CMTM4: variants seen among roughly 807,000 people sequenced by gnomAD.
CMTM4 encodes CKLF-like MARVEL transmembrane domain-containing protein 4.
In CMTM4, 8 loss-of-function variants were observed where a neutral mutation model predicts 19.0. That is an observed-to-expected ratio of 0.42 (90% CI 0.25 to 0.76). The LOEUF (loss-of-function observed/expected upper bound fraction) is 0.76, where lower values mean the gene tolerates loss of function less well. Among genes scored for constraint, CMTM4 ranks in the 30% least tolerant of loss-of-function variants. CMTM4 has a pLI of 0.27. For synonymous variants in CMTM4, 106 were observed against 121.1 expected, an observed-to-expected ratio of 0.88 and a Z score of 0.82; for missense variants, 228 against 290.2, an observed-to-expected ratio of 0.79 and a Z score of 1.56.
chr16:66,608,351 G>C, the CMTM4 span: 1 of 1,614,208 alleles, frequency 6.2e-7, no homozygotes, highest in Non-Finnish European at 8.5e-7. This position sits in a 1 kb window ranked among gnomAD's most constrained non-coding sequence, Gnocchi z 5.1. Flanking sequence ...GGCGTCCTCA[G>C]CATCTGCCTT....
chr16:66,619,338 A>G lies in CMTM4; in HGVS notation c.*2720T>C, dbSNP rs115049571. 1.7e-3 allele frequency: 1,640 copies of G among 985,426 alleles called. 21 individuals carry two copies. In the African/African-American group the frequency reaches 0.025, roughly 15 times the overall value. 61.0% of individuals were successfully genotyped at this position (985,426 alleles called of 1,614,324 possible). The stretch of plus-strand genomic sequence containing the variant: ...GTTCCACCAAATGCTTGAGGGTTTC[A>G]GCTGTACAGTGTCCAGGAAAAAACC... On this transcript the variant is annotated 3_prime_UTR_variant, in exon 4 of 4. Transcript: ENST00000394106.
chr16:66,618,459 A>G lies in CMTM4; in HGVS notation c.*3599T>C. 1.0e-6 allele frequency: 1 copy of G among 985,492 alleles called. No individual in the cohort carries two copies. Among genetic ancestry groups the G allele is most frequent in the Non-Finnish European group, 1.2e-6 (1 of 829,954 alleles). The allele number at this position is 985,492 out of a possible 1,614,324, so 61.0% of individuals were successfully genotyped here. ...TATTCATCTCCTAGGTGCTAAGACC[A>G]ACCCACAGAAAATCTGGCACAGAAA... On this transcript the variant is annotated 3_prime_UTR_variant, in exon 4 of 4. Coordinates refer to ENST00000394106, the MANE Select transcript of CMTM4 (RefSeq NM_181521.3).
downstream of CMTM4, chr16:66,613,449 CT>C (rs2015459481): frequency 3.1e-6 from 1 of 327,254 alleles, no homozygotes; most frequent in African/African-American, 2.0e-5. Flanking sequence ...TTCCTGGACC[CT>C]CAGGACAGTG....
chr16:66,619,557 C>A lies in CMTM4; in HGVS notation c.*2501G>T, dbSNP rs2015590798. On this transcript the variant is annotated 3_prime_UTR_variant, in exon 4 of 4. Coordinates refer to ENST00000394106, the MANE Select transcript of CMTM4 (RefSeq NM_181521.3). ...AATTTGCCAAGAGGTCATTTTAAGG[C>A]CCCCAGATATCGATTGTCTTCTGTT... The A allele has an allele frequency of 2.0e-6, 2 of 985,194 alleles. No homozygotes were observed. The highest frequency in any genetic ancestry group is 6.2e-5 in the Admixed American group (1 of 16,254). 61.0% of individuals were successfully genotyped at this position (985,194 alleles called of 1,614,324 possible).
chr16:66,672,816 G>A (rs951346935), intron 1 of CMTM4, among the ~76,000 whole-genome samples: 1 of 146,948 alleles, frequency 6.8e-6, no homozygotes, highest in East Asian at 2.0e-4. Flanking sequence ...TAGTAGAGAC[G>A]GAGTTTCATA....
At position 66,618,854 on chromosome 16, in the gene CMTM4, G is replaced by C. The variant is rs746381126; in HGVS notation, c.*3204C>G. 1.0e-6 allele frequency: 1 copy of C among 985,528 alleles called. No individual in the cohort carries two copies. 61.0% of individuals were successfully genotyped at this position (985,528 alleles called of 1,614,324 possible). On this transcript the variant is annotated 3_prime_UTR_variant, in exon 4 of 4. Coordinates refer to ENST00000394106, the MANE Select transcript of CMTM4 (RefSeq NM_181521.3). ...ACAGGCGTGAGCCTTCCTGCCAGGG[G>C]ACAGTAACAGGGCCCGAAGGGCTGG... is the stretch of plus-strand genomic sequence containing the variant.
chr16:66,678,993 G>C (rs557211039), intron 1 of CMTM4, among the ~76,000 whole-genome samples: 154 of 151,896 alleles, frequency 1.0e-3, no homozygotes, highest in African/African-American at 3.6e-3. Flanking sequence ...CAGCTACTTG[G>C]GGGGCTGAGG....
chr16:66,626,240 G>A (rs2144788855), intron 2 of CMTM4, among the ~76,000 whole-genome samples: 1 of 152,224 alleles, frequency 6.6e-6, no homozygotes, highest in African/African-American at 2.4e-5. Context: ...ATGGAGACCA[G>A]CCTGGCAAAT....
intron 1 of CMTM4, among the ~76,000 whole-genome samples, chr16:66,671,293 G>A (rs1264515994): frequency 6.6e-6 from 1 of 152,156 alleles, no homozygotes; most frequent in Non-Finnish European, 1.5e-5. Flanking sequence ...CAAATAGAGG[G>A]GAAGGAATCA....
intron 1 of CMTM4, among the ~76,000 whole-genome samples, chr16:66,687,898 A>T (rs2017065705): frequency 6.6e-6 from 1 of 152,058 alleles, no homozygotes; most frequent in South Asian, 2.1e-4. Context: ...CGTGTTAGCC[A>T]GGATGGTCTT....
intron 1 of CMTM4, among the ~76,000 whole-genome samples, chr16:66,643,795 C>T (rs1181673538): frequency 6.6e-6 from 1 of 152,106 alleles, no homozygotes; most frequent in Non-Finnish European, 1.5e-5. Flanking sequence ...CTCTTGCAGC[C>T]CAGGCTGGAG....
At chr16:66,693,691 T>TC (rs2017178372) in intron 1 of CMTM4, among the ~76,000 whole-genome samples, 1 of 152,122 alleles carries the variant, frequency 6.6e-6, no homozygotes, top group Non-Finnish European at 1.5e-5. Flanking sequence ...TAGGCGAGAT[T>TC]CTGGGGGCTA....
At position 66,656,701 on chromosome 16, in the gene CMTM4, C is replaced by T. The variant is rs116972365; in HGVS notation, c.187-20120G>A. Among the ~76,000 whole-genome samples the T allele has an allele frequency of 8.6e-4, 130 of 151,978 alleles. No individual in the cohort carries two copies. In the East Asian group the frequency reaches 0.022, roughly 26 times the overall value. On this transcript the variant is annotated intron_variant, in intron 1 of 3. Transcript: ENST00000394106. ...ACAGTGGAGAATCTGGGCAGACATC[C>T]CCTTAACCAGGTTAAGATCTCCAGT...
chr16:66,600,112 TTGTGTG>T, the CMTM4 span, among the ~76,000 whole-genome samples: 19 of 146,504 alleles, frequency 1.3e-4, no homozygotes, highest in Non-Finnish European at 8.9e-5. Context: ...AGCCATCCTT[TTGTGTG>T]TGTGTGTGTG....
rs370410173 is a variant in CMTM4, at chr16:66,620,446, T to A, written c.*1612A>T. On this transcript the variant is annotated 3_prime_UTR_variant, in exon 4 of 4. Transcript: ENST00000394106. ...ACTCAGATCGTACTGAAGGTGTTGGTGCAGGAAGCTAACCCCAACTCCGAC... is the reference window on the plus strand; with the variant it reads ...ACTCAGATCGTACTGAAGGTGTTGGAGCAGGAAGCTAACCCCAACTCCGAC... 4.1e-5 allele frequency: 40 copies of A among 985,342 alleles called. No individual in the cohort carries two copies. Among genetic ancestry groups the A allele is most frequent in the Non-Finnish European group, 4.6e-5 (38 of 829,976 alleles). The allele number at this position is 985,342 out of a possible 1,614,324, so 61.0% of individuals were successfully genotyped here. A position where few individuals can be genotyped will look rare whatever the true frequency, so the allele number is the denominator to read the frequency against.
chr16:66,630,189 G>A (rs781419750), intron 2 of CMTM4, among the ~76,000 whole-genome samples: 6 of 151,868 alleles, frequency 4.0e-5, no homozygotes, highest in Non-Finnish European at 8.8e-5. Flanking sequence ...AGAATTGAAC[G>A]GAATTGTTAA....
chr16:66,684,769 T>C (rs779494430), intron 1 of CMTM4, among the ~76,000 whole-genome samples: 67 of 152,246 alleles, frequency 4.4e-4, no homozygotes, highest in Non-Finnish European at 2.9e-4. Flanking sequence ...CTTCTACTTA[T>C]TGGCCTCTTC....
chr16:66,644,239 A>C (rs902024167), intron 1 of CMTM4, among the ~76,000 whole-genome samples: 9 of 152,220 alleles, frequency 5.9e-5, no homozygotes, highest in South Asian at 2.1e-4. Context: ...ACAAACTCCT[A>C]CACATGTTCA....
Position 66,628,696 on chromosome 16 carries a change from T to C in CMTM4, c.364-5194A>G, listed in dbSNP as rs536401526. 7.4e-4 allele frequency among the ~76,000 whole-genome samples: 112 copies of C among 152,348 alleles called. 1 individual carries two copies. The highest frequency in any genetic ancestry group is 2.6e-4 in the Non-Finnish European group (18 of 68,040). The stretch of plus-strand genomic sequence containing the variant: ...ATTTCTTATGTCTTCCCTTTCTACA[T>C]AGACACAGTAACAGTCTGATCTCTC... On this transcript the variant is annotated intron_variant, in intron 2 of 3. Transcript: ENST00000394106.
Sources: allele counts gnomAD v4.1 joint callset (sites outside exome capture counted in the v4.1 genomes callset), GRCh38; gene constraint gnomAD v4.1.1; non-coding constraint Gnocchi (gnomAD v3.1); transcripts MANE v1.5; gene names NCBI Gene and HGNC (gene_info 2026-07-23, HGNC 2026-07-21).